The following ADAT2 variants were observed in gnomAD, a reference collection of about 807,000 sequenced individuals.
The protein encoded by ADAT2 is adenosine deaminase tRNA specific 2.
A neutral mutation model predicts 25.9 loss-of-function variants in ADAT2; 26 were observed. The ratio of observed to expected loss-of-function variants is 1.00; its 90% CI spans 0.74 to 1.39. ADAT2 has a LOEUF of 1.39. ADAT2 is among the 40% of genes most tolerant of loss of function. The pLI is 0.00. For synonymous variants in ADAT2, 76 were observed against 86.8 expected (o/e 0.88, Z 0.69); for missense variants, 220 against 244.8 (o/e 0.90, Z 0.68).
chr6:143,439,471 CTG>C (rs1391610797), intron 1 of ADAT2, among the ~76,000 whole-genome samples: 5 of 151,838 alleles, frequency 3.3e-5, no homozygotes, highest in Admixed American at 6.6e-5. Flanking sequence ...GATAAACAAA[CTG>C]TGTCCTATTC....
intron 3 of ADAT2, among the ~76,000 whole-genome samples, chr6:143,433,195 A>G (rs1779168404): frequency 6.6e-6 from 1 of 152,196 alleles, no homozygotes; most frequent in Non-Finnish European, 1.5e-5. Flanking sequence ...TAAGTACATA[A>G]AAAATAAGGA....
Position 143,427,260 on chromosome 6 carries a change from G to C in ADAT2, c.*1203C>G, listed in dbSNP as rs1270332086. ...AATGTAATTCAAAACAAACAAGTCAGAGACATCGCTCAAATGACAGAACCA... is the reference window on the plus strand; with the variant it reads ...AATGTAATTCAAAACAAACAAGTCACAGACATCGCTCAAATGACAGAACCA... On this transcript the variant is annotated 3_prime_UTR_variant, in exon 6 of 6. Transcript: ENST00000237283. 6.6e-6 allele frequency: 1 copy of C among 152,622 alleles called. No individual in the cohort carries two copies. Among genetic ancestry groups the C allele is most frequent in the Non-Finnish European group, 1.5e-5 (1 of 68,038 alleles). The allele number at this position is 152,622 out of a possible 1,614,324, so 9.5% of individuals were successfully genotyped here. A position where few individuals can be genotyped will look rare whatever the true frequency, so the allele number is the denominator to read the frequency against.
At chr6:143,448,560 T>C (rs1011001244) in intron 1 of ADAT2, among the ~76,000 whole-genome samples, 1 of 152,040 alleles carries the variant, frequency 6.6e-6, no homozygotes, top group Non-Finnish European at 1.5e-5. Flanking sequence ...ACCTCAAACA[T>C]GCACACCCTT....
intron 4 of ADAT2, among the ~76,000 whole-genome samples, chr6:143,430,576 T>C (rs1450198526): frequency 1.3e-5 from 2 of 152,220 alleles, no homozygotes; most frequent in African/African-American, 4.8e-5. Flanking sequence ...AATAATTTTT[T>C]TTTTTGAGAC....
In ADAT2 at chr6:143,438,517, C is replaced by T; in HGVS notation, c.201+73G>A. 3.3e-6 allele frequency: 4 copies of T among 1,221,766 alleles called. No homozygotes were observed. The South Asian group carries it at 3.8e-5, about 12-fold the overall frequency. 75.7% of individuals were successfully genotyped at this position (1,221,766 alleles called of 1,614,324 possible). ...ACTATATTCAGTCTCACCTTCACAC[C>T]AACTGTGGTAAATTCTCTCCAGTCC... On this transcript the variant is annotated intron_variant, in intron 2 of 5. Transcript: ENST00000237283.
In ADAT2 at chr6:143,446,827, A is replaced by C. The variant is rs1779613073; in HGVS notation, c.96+3736T>G. Among the ~76,000 whole-genome samples the C allele has an allele frequency of 6.6e-6, 1 of 152,168 alleles. No individual in the cohort carries two copies. On this transcript the variant is annotated intron_variant, in intron 1 of 5. Transcript: ENST00000237283. This position sits in a 1 kb window ranked among gnomAD's most constrained non-coding sequence, Gnocchi z 5.0. ...CCATCTGAAAATGAGGACCATAATA[A>C]TACTCACCTGATAGGGCTTCTGTGG...
chr6:143,428,742 C>T lies in ADAT2; in HGVS notation c.460-58G>A. The stretch of plus-strand genomic sequence containing the variant: ...GGCCTATGAAAATGTGTGCTGTATC[C>T]CATAAAAACAACATATATATACATG... On this transcript the variant is annotated intron_variant, in intron 4 of 5. Coordinates refer to ENST00000237283, the MANE Select transcript of ADAT2 (RefSeq NM_182503.3). This position sits in a 1 kb window ranked among gnomAD's most constrained non-coding sequence, Gnocchi z 5.0. 6.7e-7 allele frequency: 1 copy of T among 1,500,290 alleles called. No individual in the cohort carries two copies. The highest frequency in any genetic ancestry group is 9.2e-7 in the Non-Finnish European group (1 of 1,088,218). 92.9% of individuals were successfully genotyped at this position (1,500,290 alleles called of 1,614,324 possible). A position where few individuals can be genotyped will look rare whatever the true frequency, so the allele number is the denominator to read the frequency against.
rs1412373182 is a variant in ADAT2 at position 143,432,267 on chromosome 6, G to A, written c.459+238C>T. Among the ~76,000 whole-genome samples the A allele has an allele frequency of 6.6e-6, 1 of 152,124 alleles. No homozygotes were observed. Among genetic ancestry groups the A allele is most frequent in the Non-Finnish European group, 1.5e-5 (1 of 68,018 alleles). The stretch of plus-strand genomic sequence containing the variant: ...AAGAGTGTTCGGAGTCAGCTGCGAA[G>A]GGTGGACTCTCCTTCAGGAGGGAGT... On this transcript the variant is annotated intron_variant, in intron 4 of 5. Transcript: ENST00000237283. This position sits in a 1 kb window ranked among gnomAD's most constrained non-coding sequence, Gnocchi z 4.4.
At chr6:143,430,682 C>T (rs1171923725) in intron 4 of ADAT2, among the ~76,000 whole-genome samples, 3 of 152,074 alleles carry the variant, frequency 2.0e-5, no homozygotes, top group Non-Finnish European at 2.9e-5. Flanking sequence ...TCTCCTGCCT[C>T]GGCCTCCCAA....
Position 143,428,475 on chromosome 6 carries a change from A to T in ADAT2, c.564T>A (p.Cys188Ter), listed in dbSNP as rs1351641789. 7 of 1,613,704 alleles carry T rather than the reference A, an allele frequency of 4.3e-6. No homozygotes were observed. The African/African-American group carries it at 8.0e-5, about 18-fold the overall frequency. ...CATCAGAACATGTTCAAGATTTCTG[A>T]CATTCCTTTTTCCGAACTTTCGATT... ...APKSKVRKKECQKS is the reference protein window; with the variant it reads ...APKSKVRKKE Residue 188 changes from cysteine to a stop codon, truncating the protein, a stop_gained, in exon 6 of 6, where the codon TGT (cysteine) becomes TGA (stop). Transcript: ENST00000237283. LOFTEE classifies it high-confidence loss of function. This position sits in a 1 kb window ranked among gnomAD's most constrained non-coding sequence, Gnocchi z 5.0.
In ADAT2 at chr6:143,446,883, G is replaced by A. The variant is rs549697518; in HGVS notation, c.96+3680C>T. Among the ~76,000 whole-genome samples the A allele has an allele frequency of 6.6e-6, 1 of 152,206 alleles. No individual in the cohort carries two copies. The highest frequency in any genetic ancestry group is 1.9e-4 in the East Asian group (1 of 5,188). On this transcript the variant is annotated intron_variant, in intron 1 of 5. Transcript: ENST00000237283. The surrounding 1 kb of genome is among the most constrained non-coding windows in gnomAD (Gnocchi z 5.0). ...ATAACATGGCCCACATGAAAACACT[G>A]TGCATAGCATAGTATCTGGAACACA...
At position 143,437,331 on chromosome 6, in the gene ADAT2, T is replaced by G. The variant is rs1779319019; in HGVS notation, c.201+1259A>C. On this transcript the variant is annotated intron_variant, in intron 2 of 5. Transcript: ENST00000237283. This position sits in a 1 kb window ranked among gnomAD's most constrained non-coding sequence, Gnocchi z 4.1. ...ATTTTTAATCACTGATAATCTAATGTTACAAAGAAATTGCTTTTTTCTTCT... is the reference window on the plus strand; with the variant it reads ...ATTTTTAATCACTGATAATCTAATGGTACAAAGAAATTGCTTTTTTCTTCT... Among the ~76,000 whole-genome samples, 1 of 152,256 alleles carries G rather than the reference T, an allele frequency of 6.6e-6. No individual in the cohort carries two copies. The highest frequency in any genetic ancestry group is 1.5e-5 in the Non-Finnish European group (1 of 68,032).
At chr6:143,438,064 T>C (rs1247735501) in intron 2 of ADAT2, among the ~76,000 whole-genome samples, 1 of 152,188 alleles carries the variant, frequency 6.6e-6, no homozygotes, top group East Asian at 1.9e-4. Flanking sequence ...AATTATCTGA[T>C]AAAGGAATAG....
In ADAT2 at chr6:143,434,193, C is replaced by G. The variant is rs1324943607; in HGVS notation, c.202-212G>C. Among the ~76,000 whole-genome samples, 2 of 152,116 alleles carry G rather than the reference C, an allele frequency of 1.3e-5. No homozygotes were observed. Among genetic ancestry groups the G allele is most frequent in the African/African-American group, 4.8e-5 (2 of 41,410 alleles). On this transcript the variant is annotated intron_variant, in intron 2 of 5. Coordinates refer to ENST00000237283, the MANE Select transcript of ADAT2 (RefSeq NM_182503.3). The surrounding 1 kb of genome is among the most constrained non-coding windows in gnomAD (Gnocchi z 4.5). Reference sequence around the variant, plus strand: ...GAAAGATATCTAATCAGAGATGCCACAGGAATCATGCTGTATTTTTAGTTA... The same window carrying G: ...GAAAGATATCTAATCAGAGATGCCAGAGGAATCATGCTGTATTTTTAGTTA...
rs1460442795 is a variant in ADAT2 at position 143,433,915 on chromosome 6, T to C, written c.268A>G (p.Ser90Gly). 3 of 1,614,232 alleles carry C rather than the reference T, an allele frequency of 1.9e-6. No homozygotes were observed. Among genetic ancestry groups the C allele is most frequent in the Admixed American group, 1.7e-5 (1 of 60,028 alleles). The change falls in exon 3 of 6, where the codon AGT becomes GGT. Residue 90 changes from serine (S) to glycine (G), a missense_variant. By Grantham distance (56) the Ser-to-Gly change is moderately conservative. Transcript: ENST00000237283. ...GTGTGTTCAAATACTTCAGAGGGACTCTTGCCACTTTGACGACACCAATCG... is the reference window on the plus strand; with the variant it reads ...GTGTGTTCAAATACTTCAGAGGGACCCTTGCCACTTTGACGACACCAATCG... ...VLDWCRQSGKSPSEVFEHTVL... is the reference protein window; with the variant it reads ...VLDWCRQSGKGPSEVFEHTVL...
At position 143,450,543 on chromosome 6, in the gene ADAT2, C is replaced by T. The variant is rs758338599; in HGVS notation, c.96+20G>A. On this transcript the variant is annotated intron_variant, in intron 1 of 5. Transcript: ENST00000237283. ...GGAGAAAGGTCCCACCCCGCAGCAT[C>T]TACCTCCCGGGCTCCTCACCATGTG... is the stretch of plus-strand genomic sequence containing the variant. The T allele has an allele frequency of 6.2e-7, 1 of 1,613,792 alleles. No individual in the cohort carries two copies. Among genetic ancestry groups the T allele is most frequent in the Non-Finnish European group, 8.5e-7 (1 of 1,179,808 alleles).
At chr6:143,438,731 C>G (rs745837389) in intron 1 of ADAT2, 37 bp from the exon 2 acceptor site, 19 of 1,518,790 alleles carry the variant, frequency 1.3e-5, no homozygotes, top group Non-Finnish European at 1.6e-5. Flanking sequence ...ACGTAATACT[C>G]CATACTTGAA....
At chr6:143,435,156 T>TG (rs1779231740) in intron 2 of ADAT2, among the ~76,000 whole-genome samples, 1 of 84,414 alleles carries the variant, frequency 1.2e-5, no homozygotes, top group Non-Finnish European at 2.8e-5. Context: ...AGTGGAGAGT[T>TG]TAAAAAAAAA....
In ADAT2 at chr6:143,426,237, T is replaced by C. The variant is rs1472783386; in HGVS notation, c.*2226A>G. 1.3e-5 allele frequency: 2 copies of C among 152,200 alleles called. No individual in the cohort carries two copies. The highest frequency in any genetic ancestry group is 2.9e-5 in the Non-Finnish European group (2 of 68,044). 9.4% of individuals were successfully genotyped at this position (152,200 alleles called of 1,614,324 possible). A position where few individuals can be genotyped will look rare whatever the true frequency, so the allele number is the denominator to read the frequency against. On this transcript the variant is annotated 3_prime_UTR_variant, in exon 6 of 6. Transcript: ENST00000237283. This position sits in a 1 kb window ranked among gnomAD's most constrained non-coding sequence, Gnocchi z 4.1. Reference sequence around the variant, plus strand: ...TAGGACATCTTAATATTTTAACCCGTGTCTAAGTAGCTGGGGAATGTGGTA... The same window carrying C: ...TAGGACATCTTAATATTTTAACCCGCGTCTAAGTAGCTGGGGAATGTGGTA...
Sources: allele counts gnomAD v4.1 joint callset (sites outside exome capture counted in the v4.1 genomes callset), GRCh38; gene constraint gnomAD v4.1.1; non-coding constraint Gnocchi (gnomAD v3.1); transcripts MANE v1.5; gene names NCBI Gene and HGNC (gene_info 2026-07-23, HGNC 2026-07-21).